SLC12A2: variants seen among roughly 807,000 people sequenced by gnomAD.
SLC12A2 encodes Na-K-2Cl cotransporter 1.
SLC12A2 carries 67 observed loss-of-function variants against 136.3 expected under a neutral mutation model. The ratio of observed to expected loss-of-function variants is 0.49; its 90% CI spans 0.40 to 0.60. The LOEUF (loss-of-function observed/expected upper bound fraction) is 0.60. Ranked by LOEUF, SLC12A2 falls within the 20% of genes least tolerant of loss-of-function variation. SLC12A2 has a pLI of 0.00. For synonymous variants in SLC12A2, 619 were observed against 562.9 expected, an observed-to-expected ratio of 1.10 and a Z score of -1.41; for missense variants, 1,322 against 1,534.7, an observed-to-expected ratio of 0.86 and a Z score of 2.32.
intron 10 of SLC12A2, among the ~76,000 whole-genome samples, chr5:128,143,501 T>A (rs560913608): frequency 6.6e-6 from 1 of 152,256 alleles, no homozygotes; most frequent in South Asian, 2.1e-4. Context: ...TTGTTACCTC[T>A]ATTAAGGTAC....
intron 4 of SLC12A2, among the ~76,000 whole-genome samples, chr5:128,130,565 T>TC (rs1467693329): frequency 6.8e-6 from 1 of 146,796 alleles, no homozygotes; most frequent in Non-Finnish European, 1.5e-5. Context: ...ACCTGTAGTC[T>TC]CAGCTGCTCA....
rs777633700 is a variant in SLC12A2 at position 128,131,038 on chromosome 5, G to A, written c.1049-29G>A. The stretch of plus-strand genomic sequence containing the variant: ...ATTTTAAATCCTAACTTTAGTACCT[G>A]TTTTTTTTGTTTGTTTGTTTGTTTT... On this transcript the variant is annotated intron_variant, in intron 4 of 26. Coordinates refer to ENST00000262461, the MANE Select transcript of SLC12A2 (RefSeq NM_001046.3). 8.7e-6 allele frequency: 14 copies of A among 1,604,952 alleles called. No homozygotes were observed. The South Asian group carries it at 1.2e-4, about 14-fold the overall frequency.
intron 10 of SLC12A2, among the ~76,000 whole-genome samples, chr5:128,145,039 A>G (rs1185961871): frequency 2.0e-5 from 3 of 152,036 alleles, no homozygotes; most frequent in African/African-American, 7.2e-5. Context: ...ATATTTTACC[A>G]TTAAATGTTG....
intron 4 of SLC12A2, among the ~76,000 whole-genome samples, chr5:128,126,964 A>ATTTTTTTTTTT (rs1433767277): frequency 3.2e-4 from 7 of 21,684 alleles, no homozygotes; most frequent in African/African-American, 3.1e-4. Flanking sequence ...ATATATATAT[A>ATTTTTTTTTTT]TATTTTTTTT....
At chr5:128,137,365 G>T (rs1002087916) in intron 7 of SLC12A2, among the ~76,000 whole-genome samples, 2 of 151,984 alleles carry the variant, frequency 1.3e-5, no homozygotes, top group Non-Finnish European at 2.9e-5. Flanking sequence ...TTTCCCTGAT[G>T]ATCACATGGC....
chr5:128,086,040 A>AAGTAGATAT (rs1760089156), intron 1 of SLC12A2, among the ~76,000 whole-genome samples: 1 of 152,198 alleles, frequency 6.6e-6, no homozygotes, highest in East Asian at 1.9e-4. Flanking sequence ...TTGTAGACAA[A>AAGTAGATAT]AGTAGATATG....
intron 4 of SLC12A2, among the ~76,000 whole-genome samples, chr5:128,123,770 A>G (rs923316601): frequency 1.3e-5 from 2 of 152,196 alleles, no homozygotes; most frequent in African/African-American, 4.8e-5. Context: ...GCATCATTAG[A>G]AAAGTAGCTT....
At chr5:128,139,714 A>G (rs1762298702) in intron 9 of SLC12A2, among the ~76,000 whole-genome samples, 1 of 152,240 alleles carries the variant, frequency 6.6e-6, no homozygotes, top group East Asian at 1.9e-4. Flanking sequence ...CAAGCTTTAC[A>G]GTTAAATTTC....
At chr5:128,151,530 A>T (rs1297832946) in intron 14 of SLC12A2, 134 bp downstream of exon 14, 4 of 753,488 alleles carry the variant, frequency 5.3e-6, no homozygotes, top group Non-Finnish European at 7.9e-6. Context: ...ATAAAACCTA[A>T]AATACTTTAT....
At chr5:128,131,822 G>A (rs769560136) in intron 5 of SLC12A2, among the ~76,000 whole-genome samples, 1 of 151,964 alleles carries the variant, frequency 6.6e-6, no homozygotes, top group Non-Finnish European at 1.5e-5. Context: ...CCTGACCAAC[G>A]TGGAGAAACC....
chr5:128,089,508 T>C (rs1162951321), intron 1 of SLC12A2, among the ~76,000 whole-genome samples: 4 of 152,214 alleles, frequency 2.6e-5, no homozygotes, highest in African/African-American at 9.6e-5. Context: ...TTCTATCCCT[T>C]AGACCTGTTC....
intron 4 of SLC12A2, among the ~76,000 whole-genome samples, chr5:128,121,951 A>T (rs1223409283): frequency 1.3e-5 from 2 of 152,204 alleles, no homozygotes; most frequent in African/African-American, 2.4e-5. Flanking sequence ...TAGATTACAC[A>T]GACCAGAGTT....
chr5:128,182,181 CTGTTTTCTCATATCTCAAT>C (rs1307833844), intron 23 of SLC12A2, among the ~76,000 whole-genome samples: 1 of 152,096 alleles, frequency 6.6e-6, no homozygotes, highest in Non-Finnish European at 1.5e-5. Context: ...TATAGCAGAT[CTGTTTTCTCATATCTCAAT>C]TTAAAAACAT....
In SLC12A2 at chr5:128,152,703, C is replaced by T. The variant is rs1247101758; in HGVS notation, c.2264-3C>T. Reference sequence around the variant, plus strand: ...ATGCTGCATGAACATTATCTTCCCACAGATGTGAATTGGGGATCCTCTACA... The same window carrying T: ...ATGCTGCATGAACATTATCTTCCCATAGATGTGAATTGGGGATCCTCTACA... On this transcript the variant is annotated splice_polypyrimidine_tract_variant and splice_region_variant and intron_variant, in intron 14 of 26. Transcript: ENST00000262461. 17 of 1,585,182 alleles carry T rather than the reference C, an allele frequency of 1.1e-5. No individual in the cohort carries two copies. The highest frequency in any genetic ancestry group is 1.2e-5 in the Non-Finnish European group (14 of 1,153,820).
At chr5:128,108,727 G>A (rs759908889) in intron 1 of SLC12A2, among the ~76,000 whole-genome samples, 54 of 152,302 alleles carry the variant, frequency 3.5e-4, no homozygotes, top group African/African-American at 1.2e-3. Flanking sequence ...GTACAACTTT[G>A]TAGATATACG....
chr5:128,093,828 C>T (rs111634886), intron 1 of SLC12A2, among the ~76,000 whole-genome samples: 119 of 152,240 alleles, frequency 7.8e-4, no homozygotes, highest in African/African-American at 2.7e-3. Context: ...ACTGTGCTTT[C>T]CCATCACTAT....
chr5:128,160,875 G>A (rs992830962), intron 16 of SLC12A2, among the ~76,000 whole-genome samples: 21 of 151,848 alleles, frequency 1.4e-4, no homozygotes, highest in Non-Finnish European at 5.9e-5. Context: ...GTGAGAGTGC[G>A]TGTATGTAGG....
At chr5:128,107,377 T>G (rs1428531999) in intron 1 of SLC12A2, among the ~76,000 whole-genome samples, 1 of 152,154 alleles carries the variant, frequency 6.6e-6, no homozygotes, top group African/African-American at 2.4e-5. Flanking sequence ...CGTAACATGG[T>G]GGTTTGCTGC....
intron 1 of SLC12A2, among the ~76,000 whole-genome samples, chr5:128,088,830 T>C (rs1760200205): frequency 6.6e-6 from 1 of 152,102 alleles, no homozygotes; most frequent in South Asian, 2.1e-4. Context: ...TCCTAAGAAA[T>C]AGGTCTTATA....
Sources: allele counts gnomAD v4.1 joint callset (sites outside exome capture counted in the v4.1 genomes callset), GRCh38; gene constraint gnomAD v4.1.1; transcripts MANE v1.5; gene names NCBI Gene and HGNC (gene_info 2026-07-23, HGNC 2026-07-21).